The following GPATCH2 variants were observed in gnomAD, a reference collection of about 807,000 sequenced individuals.
The protein encoded by GPATCH2 is G patch domain-containing protein 2.
GPATCH2 carries 51 observed loss-of-function variants against 58.0 expected under a neutral mutation model. The ratio of observed to expected loss-of-function variants is 0.88; its 90% CI spans 0.70 to 1.11. The LOEUF (loss-of-function observed/expected upper bound fraction) is 1.11. Among genes scored for constraint, GPATCH2 ranks in the 50% most tolerant of loss-of-function variants. The pLI is 0.00. For synonymous variants in GPATCH2, 222 were observed against 218.5 expected, an observed-to-expected ratio of 1.02 and a Z score of -0.14; for missense variants, 625 against 652.2, an observed-to-expected ratio of 0.96 and a Z score of 0.45.
intron 5 of GPATCH2, among the ~76,000 whole-genome samples, chr1:217,526,409 G>A (rs534645370): frequency 6.6e-6 from 1 of 152,196 alleles, no homozygotes; most frequent in East Asian, 1.9e-4. Flanking sequence ...AAAAAAGTAT[G>A]TAATCATGAT....
intron 2 of GPATCH2, among the ~76,000 whole-genome samples, chr1:217,617,928 A>T (rs1027396044): frequency 1.3e-5 from 2 of 152,228 alleles, no homozygotes; most frequent in East Asian, 3.9e-4. Flanking sequence ...TACCAGTTAC[A>T]TGTCCTATAA....
intron 2 of GPATCH2, among the ~76,000 whole-genome samples, chr1:217,619,071 C>T (rs1669052223): frequency 6.6e-6 from 1 of 151,944 alleles, no homozygotes; most frequent in African/African-American, 2.4e-5. Flanking sequence ...TTCGGTTTTG[C>T]GGACCCATGC....
chr1:217,611,205 T>C (rs1194083589), intron 3 of GPATCH2, 134 bp from the exon 4 acceptor site: 6 of 739,202 alleles, frequency 8.1e-6, no homozygotes, highest in South Asian at 1.9e-5. Context: ...TAACTTTTAA[T>C]ATAAGTATTA....
At chr1:217,492,334 C>T (rs1221015233) in intron 7 of GPATCH2, among the ~76,000 whole-genome samples, 1 of 152,100 alleles carries the variant, frequency 6.6e-6, no homozygotes, top group South Asian at 2.1e-4. Flanking sequence ...TATTTGATTG[C>T]CTCCTCAAAA....
rs771425837 is a variant in GPATCH2 at position 217,449,252 on chromosome 1, CAGT to C, written c.1360_1362del (p.Thr454del). On this transcript the variant is annotated inframe_deletion, in exon 9 of 10. Coordinates refer to ENST00000366935, the MANE Select transcript of GPATCH2 (RefSeq NM_018040.5). The stretch of plus-strand genomic sequence containing the variant: ...TCTAACCCTGCTTTTGTTTTACCTG[CAGT>C]AGTAGGTCCAGGCAAAGGTGCAGCT... 5.9e-4 allele frequency: 923 copies of C among 1,561,686 alleles called. 6 individuals are homozygous for C. The highest frequency in any genetic ancestry group is 1.6e-4 in the Non-Finnish European group (184 of 1,132,240).
chr1:217,438,605 A>G (rs1658968983), intron 9 of GPATCH2, among the ~76,000 whole-genome samples: 1 of 152,216 alleles, frequency 6.6e-6, no homozygotes, highest in South Asian at 2.1e-4. Flanking sequence ...ATCAAGCGGA[A>G]GAAAATATAT....
At chr1:217,570,207 G>A (rs1420360163) in intron 5 of GPATCH2, among the ~76,000 whole-genome samples, 2 of 152,126 alleles carry the variant, frequency 1.3e-5, no homozygotes, top group Non-Finnish European at 2.9e-5. Context: ...CGCCTCCTGG[G>A]TTCCAGCGAT....
intron 5 of GPATCH2, among the ~76,000 whole-genome samples, chr1:217,537,758 TC>T (rs5780986): frequency 0.17 from 25,826 of 152,134 alleles, 2,948 homozygotes; most frequent in East Asian, 0.48. Flanking sequence ...ATACAACTTT[TC>T]CCACTAATTC....
intron 3 of GPATCH2, 66 bp from the exon 4 acceptor site, chr1:217,611,137 T>A: frequency 1.4e-6 from 2 of 1,382,932 alleles, no homozygotes; most frequent in Non-Finnish European, 2.0e-6. Context: ...ACACAATTAG[T>A]CTTGTCAGGT....
At chr1:217,501,480 A>C (rs1363994378) in intron 6 of GPATCH2, among the ~76,000 whole-genome samples, 1 of 152,086 alleles carries the variant, frequency 6.6e-6, no homozygotes, top group Non-Finnish European at 1.5e-5. Flanking sequence ...ATTGCTGGTT[A>C]GTATTGTAGT....
intron 7 of GPATCH2, chr1:217,498,040 C>A: frequency 2.3e-6 from 1 of 436,346 alleles, no homozygotes; most frequent in African/African-American, 2.0e-5. Context: ...AGCACATGTA[C>A]TGTTTTGATA....
intron 9 of GPATCH2, among the ~76,000 whole-genome samples, chr1:217,435,658 G>C (rs1334633453): frequency 6.6e-6 from 1 of 152,112 alleles, no homozygotes; most frequent in East Asian, 1.9e-4. Context: ...GCCAGCTGAG[G>C]GGCTGGGCTA....
At chr1:217,609,255 C>T in intron 5 of GPATCH2, 1 of 982,118 alleles carries the variant, frequency 1.0e-6, no homozygotes, top group Non-Finnish European at 1.2e-6. Context: ...CTGACACTCA[C>T]AGTGACACAT....
intron 5 of GPATCH2, among the ~76,000 whole-genome samples, chr1:217,578,927 A>G (rs1666931526): frequency 6.6e-6 from 1 of 152,226 alleles, no homozygotes; most frequent in African/African-American, 2.4e-5. Flanking sequence ...AGTACATCCC[A>G]AAGACTTGAC....
At chr1:217,484,042 AAGCCAACATATGTTGGTTACTTTT>A (rs1199902922) in intron 8 of GPATCH2, among the ~76,000 whole-genome samples, 1 of 152,166 alleles carries the variant, frequency 6.6e-6, no homozygotes, top group Non-Finnish European at 1.5e-5. Flanking sequence ...ATCTTTGCTG[AAGCCAACATATGTTGGTTACTTTT>A]AACCAACATA....
chr1:217,477,258 G>A (rs928305087), intron 8 of GPATCH2, among the ~76,000 whole-genome samples: 1 of 152,110 alleles, frequency 6.6e-6, no homozygotes, highest in Admixed American at 6.5e-5. Context: ...GAGGGCCTTG[G>A]GTAAGCCTCT....
intron 6 of GPATCH2, among the ~76,000 whole-genome samples, chr1:217,502,969 T>C (rs1361287183): frequency 1.3e-5 from 2 of 152,132 alleles, no homozygotes; most frequent in African/African-American, 2.4e-5. Flanking sequence ...TACCTGCCTG[T>C]TTAGGTACAA....
intron 8 of GPATCH2, among the ~76,000 whole-genome samples, chr1:217,483,466 T>C (rs1033132156): frequency 6.6e-6 from 1 of 152,202 alleles, no homozygotes; most frequent in East Asian, 1.9e-4. Context: ...ATTACAGGTA[T>C]AAGCCACTGT....
intron 5 of GPATCH2, among the ~76,000 whole-genome samples, chr1:217,596,841 A>C (rs1667854970): frequency 6.6e-6 from 1 of 152,166 alleles, no homozygotes; most frequent in Non-Finnish European, 1.5e-5. Flanking sequence ...TCTGAATTTT[A>C]AAACCTGTGT....
Sources: gnomAD v4.1 joint callset for allele counts (sites outside exome capture counted in the v4.1 genomes callset) on GRCh38, gnomAD v4.1.1 for gene constraint, MANE v1.5 for transcripts, NCBI Gene and HGNC (gene_info 2026-07-23, HGNC 2026-07-21) for gene names.